DCDC1: variants seen among roughly 807,000 people sequenced by gnomAD.
DCDC1 encodes doublecortin domain containing 1.
A neutral mutation model predicts 178.3 loss-of-function variants in DCDC1; 200 were observed. That is an observed-to-expected ratio of 1.12 (90% confidence interval 1.00 to 1.26). The LOEUF (loss-of-function observed/expected upper bound fraction) is 1.26, where lower values mean the gene tolerates loss of function less well. Among genes scored for constraint, DCDC1 ranks in the 50% most tolerant of loss-of-function variants. The pLI is 0.00. For synonymous variants in DCDC1, 690 were observed against 604.8 expected (o/e 1.14, Z -2.07); for missense variants, 1,983 against 1,749.2 (o/e 1.13, Z -2.38).
intron 9 of DCDC1, among the ~76,000 whole-genome samples, chr11:31,167,750 T>G (rs1966850147): frequency 6.6e-6 from 1 of 152,204 alleles, no homozygotes; most frequent in Non-Finnish European, 1.5e-5. Flanking sequence ...CAGTGTCTTT[T>G]TCATAGTTCT....
At chr11:31,156,183 A>C (rs1303422321) in intron 9 of DCDC1, 1 of 152,356 alleles carries the variant, frequency 6.6e-6, no homozygotes, top group East Asian at 1.9e-4. Context: ...GTTTTACAAA[A>C]TTCAAAATAT....
At chr11:31,190,456 T>C (rs1409866855) in intron 9 of DCDC1, among the ~76,000 whole-genome samples, 2 of 152,162 alleles carry the variant, frequency 1.3e-5, no homozygotes, top group Middle Eastern at 3.2e-3. Flanking sequence ...CACAGAATAA[T>C]ATTTAAATAT....
chr11:31,340,837 T>G (rs1950507071), intron 1 of DCDC1, among the ~76,000 whole-genome samples: 1 of 152,104 alleles, frequency 6.6e-6, no homozygotes, highest in Admixed American at 6.6e-5. Flanking sequence ...TAAAAATCAA[T>G]TAATCTTCCT....
At chr11:31,230,068 T>C (rs552254811) in intron 9 of DCDC1, among the ~76,000 whole-genome samples, 1 of 152,254 alleles carries the variant, frequency 6.6e-6, no homozygotes, top group South Asian at 2.1e-4. Context: ...AGTAAAATTA[T>C]CTCTGTTCAC....
At chr11:31,305,921 T>C (rs1948426935) in intron 5 of DCDC1, 144 bp from the exon 6 acceptor site, 2 of 1,004,604 alleles carry the variant, frequency 2.0e-6, no homozygotes, top group Non-Finnish European at 2.8e-6. Flanking sequence ...GTTGAAAATA[T>C]AGAAATAAAA....
intron 20 of DCDC1, among the ~76,000 whole-genome samples, chr11:31,012,873 A>G (rs1952257268): frequency 6.6e-6 from 1 of 152,182 alleles, no homozygotes; most frequent in South Asian, 2.1e-4. Context: ...GAACAATAAT[A>G]AAAATATTAG....
At position 31,180,865 on chromosome 11, in the gene DCDC1, A is replaced by G. The variant is rs190910222; in HGVS notation, c.1222-43081T>C. Among the ~76,000 whole-genome samples, 55 of 151,976 alleles carry G rather than the reference A, an allele frequency of 3.6e-4. No homozygotes were observed. The East Asian group carries it at 0.01, about 29-fold the overall frequency. ...GCAATTGGAACACCAGTGAGACAGA[A>G]CTGTTCACTTCCCTGGAAAGGGAAC... is the stretch of plus-strand genomic sequence containing the variant. On this transcript the variant is annotated intron_variant, in intron 9 of 38. Coordinates refer to ENST00000684477, the MANE Select transcript of DCDC1 (RefSeq NM_001387274.1).
At chr11:30,933,597 T>A (rs1268812713) in intron 21 of DCDC1, among the ~76,000 whole-genome samples, 2 of 151,862 alleles carry the variant, frequency 1.3e-5, no homozygotes, top group African/African-American at 4.9e-5. Context: ...CATTCATAAA[T>A]GAAATTAACA....
intron 18 of DCDC1, among the ~76,000 whole-genome samples, chr11:31,072,690 A>G (rs182071693): frequency 1.8e-4 from 27 of 152,314 alleles, no homozygotes; most frequent in Non-Finnish European, 2.9e-4. Context: ...GGAATAGTTA[A>G]CTTTAAAAAC....
chr11:31,222,682 G>A (rs1244398973), intron 9 of DCDC1, among the ~76,000 whole-genome samples: 1 of 152,182 alleles, frequency 6.6e-6, no homozygotes, highest in African/African-American at 2.4e-5. Context: ...CTGGTGAGGA[G>A]TCTCTGAGGG....
At chr11:31,158,579 A>G (rs1965984428) in intron 9 of DCDC1, among the ~76,000 whole-genome samples, 1 of 152,206 alleles carries the variant, frequency 6.6e-6, no homozygotes. Context: ...GCTTCTATAC[A>G]TTTGACTGAA....
At chr11:31,311,204 GA>G (rs1276783489) in intron 3 of DCDC1, among the ~76,000 whole-genome samples, 2 of 152,172 alleles carry the variant, frequency 1.3e-5, no homozygotes, top group African/African-American at 4.8e-5. Context: ...CTGTTGGGTA[GA>G]ACTCTTATGT....
intron 3 of DCDC1, among the ~76,000 whole-genome samples, chr11:31,313,273 C>A (rs1297763754): frequency 2.6e-5 from 4 of 152,146 alleles, no homozygotes; most frequent in African/African-American, 9.7e-5. Context: ...CTAGCCATTA[C>A]AATATGAATC....
chr11:31,261,579 T>G (rs1233266530), intron 8 of DCDC1, among the ~76,000 whole-genome samples: 1 of 152,064 alleles, frequency 6.6e-6, no homozygotes, highest in South Asian at 2.1e-4. Context: ...CAGTATTAGG[T>G]ATTATAAGTA....
intron 25 of DCDC1, among the ~76,000 whole-genome samples, chr11:30,920,495 G>C (rs79773543): frequency 0.03 from 4,575 of 152,254 alleles, 213 homozygotes; most frequent in African/African-American, 0.1. Context: ...AACAAAATTT[G>C]ATGAATTCCT....
intron 22 of DCDC1, among the ~76,000 whole-genome samples, chr11:30,927,498 T>C (rs1302139032): frequency 6.6e-6 from 1 of 152,110 alleles, no homozygotes; most frequent in Non-Finnish European, 1.5e-5. Context: ...CAGATGACTG[T>C]TAACAGTTGA....
chr11:31,205,891 T>C (rs1350181552), intron 9 of DCDC1, among the ~76,000 whole-genome samples: 2 of 152,250 alleles, frequency 1.3e-5, no homozygotes, highest in African/African-American at 4.8e-5. Context: ...CCGGCTGCCC[T>C]ATAATTTATC....
intron 8 of DCDC1, among the ~76,000 whole-genome samples, chr11:31,250,895 C>T (rs1223957403): frequency 1.3e-5 from 2 of 152,008 alleles, no homozygotes; most frequent in South Asian, 2.1e-4. Flanking sequence ...GCTGGGATTA[C>T]AGGTGCGTGT....
Position 30,952,568 on chromosome 11 carries a change from C to T in DCDC1, c.2592G>A (p.Arg864=), listed in dbSNP as rs158633. The change falls in exon 21 of 39, where the codon AGG becomes AGA. Residue 864 remains arginine (R), a splice_region_variant and synonymous_variant. Coordinates refer to ENST00000684477, the MANE Select transcript of DCDC1 (RefSeq NM_001387274.1). ...TGGTTCCTTCATGTTTTATGGCCCA[C>T]CTAAAACAAAAGATAAAAAACAAAA... The part of the protein sequence containing the change: ...EEKHPKASAQ[R]WAIKHEGTSK... The T allele has an allele frequency of 7.8e-7, 1 of 1,275,148 alleles. No individual in the cohort carries two copies. The highest frequency in any genetic ancestry group is 1.1e-6 in the Non-Finnish European group (1 of 910,340). The allele number at this position is 1,275,148 out of a possible 1,614,324, so 79.0% of individuals were successfully genotyped here.
Sources: allele counts gnomAD v4.1 joint callset (sites outside exome capture counted in the v4.1 genomes callset), GRCh38; gene constraint gnomAD v4.1.1; transcripts MANE v1.5; gene names NCBI Gene and HGNC (gene_info 2026-07-23, HGNC 2026-07-21).